The following PLCB4 variants were observed in gnomAD, a reference collection of about 807,000 sequenced individuals.
PLCB4 encodes phospholipase C beta 4.
A neutral mutation model predicts 178.8 loss-of-function variants in PLCB4; 77 were observed. The ratio of observed to expected loss-of-function variants is 0.43; its 90% CI spans 0.36 to 0.52. The LOEUF (loss-of-function observed/expected upper bound fraction) is 0.52, where lower values mean the gene tolerates loss of function less well. PLCB4 is among the 20% of genes least tolerant of loss of function. The pLI is 0.00. For synonymous variants in PLCB4, 496 were observed against 490.8 expected (o/e 1.01, Z -0.14); for missense variants, 1,024 against 1,453.4 (o/e 0.70, Z 4.80).
At chr20:9,086,393 G>A (rs568992049) in intron 1 of PLCB4, among the ~76,000 whole-genome samples, 10 of 152,164 alleles carry the variant, frequency 6.6e-5, no homozygotes, top group African/African-American at 2.4e-4. Flanking sequence ...GGTTGTGAGC[G>A]TGTATGATGT....
At chr20:9,111,019 T>C (rs2091556286) in intron 2 of PLCB4, among the ~76,000 whole-genome samples, 1 of 152,188 alleles carries the variant, frequency 6.6e-6, no homozygotes, top group African/African-American at 2.4e-5. Context: ...CAAGGTGAGC[T>C]GCTAAGAATG....
chr20:9,429,637 C>G (rs1054832834), intron 28 of PLCB4, among the ~76,000 whole-genome samples: 2 of 152,216 alleles, frequency 1.3e-5, no homozygotes, highest in East Asian at 3.8e-4. Context: ...GCTTTTCATT[C>G]TCTGATTACA....
chr20:9,250,032 T>G (rs975923083), intron 3 of PLCB4, among the ~76,000 whole-genome samples: 5 of 152,192 alleles, frequency 3.3e-5, no homozygotes, highest in Non-Finnish European at 7.3e-5. Context: ...GCACTACTCA[T>G]AAGAGAATAG....
chr20:9,411,989 A>G (rs547466666), intron 25 of PLCB4, among the ~76,000 whole-genome samples: 1 of 152,210 alleles, frequency 6.6e-6, no homozygotes, highest in African/African-American at 2.4e-5. Flanking sequence ...TTCAGCATGC[A>G]CTCTGCCTCC....
At chr20:9,440,312 CA>C (rs1384469476) in intron 30 of PLCB4, among the ~76,000 whole-genome samples, 1 of 152,208 alleles carries the variant, frequency 6.6e-6, no homozygotes. Context: ...TCATCTAACA[CA>C]AAGCCTATTT....
In PLCB4 at chr20:9,468,722, C is replaced by T. The variant is rs141502382; in HGVS notation, c.3350+50C>T. 1.0e-3 allele frequency: 1,099 copies of T among 1,054,544 alleles called. 5 individuals are homozygous for T. The highest frequency in any genetic ancestry group is 9.0e-3 in the South Asian group (701 of 77,754). 65.3% of individuals were successfully genotyped at this position (1,054,544 alleles called of 1,614,324 possible). A position where few individuals can be genotyped will look rare whatever the true frequency, so the allele number is the denominator to read the frequency against. ...GGAATATGGCATTGACTTGAGGACA[C>T]AGTCTCAACTTTCTTTATGTGTGTA... On this transcript the variant is annotated intron_variant, in intron 36 of 39. Transcript: ENST00000378473.
At chr20:9,231,584 C>T (rs1404448568) in intron 3 of PLCB4, among the ~76,000 whole-genome samples, 1 of 152,070 alleles carries the variant, frequency 6.6e-6, no homozygotes, top group East Asian at 1.9e-4. Context: ...TGGGATAGTG[C>T]ACCGAATTTC....
chr20:9,142,265 A>C (rs969880942), intron 2 of PLCB4, among the ~76,000 whole-genome samples: 2 of 152,108 alleles, frequency 1.3e-5, no homozygotes, highest in Admixed American at 6.6e-5. Flanking sequence ...GTGGATTTTC[A>C]TGTCTGGATT....
At chr20:9,089,344 A>T (rs1223077363) in intron 1 of PLCB4, among the ~76,000 whole-genome samples, 1 of 152,102 alleles carries the variant, frequency 6.6e-6, no homozygotes, top group Non-Finnish European at 1.5e-5. Context: ...TAACTTTGGT[A>T]CTTATAAAAT....
chr20:9,331,254 TA>T (rs2148022858), intron 4 of PLCB4, among the ~76,000 whole-genome samples: 1 of 152,298 alleles, frequency 6.6e-6, no homozygotes, highest in East Asian at 1.9e-4. Flanking sequence ...CTCTACGTCC[TA>T]ATGTATCTGT....
chr20:9,171,699 C>A (rs905891153), intron 2 of PLCB4, among the ~76,000 whole-genome samples: 1 of 152,080 alleles, frequency 6.6e-6, no homozygotes, highest in Non-Finnish European at 1.5e-5. Flanking sequence ...TACTGGGTTG[C>A]AACAGTATCT....
intron 30 of PLCB4, among the ~76,000 whole-genome samples, chr20:9,442,293 A>G (rs6056628): frequency 0.24 from 36,395 of 152,076 alleles, 5,215 homozygotes; most frequent in African/African-American, 0.39. Context: ...AGACCCACGC[A>G]TGGAACATTC....
At chr20:9,174,308 T>A (rs1318334947) in intron 2 of PLCB4, among the ~76,000 whole-genome samples, 1 of 151,928 alleles carries the variant, frequency 6.6e-6, no homozygotes, top group African/African-American at 2.4e-5. Context: ...AGCTAATTTT[T>A]TTTTTATTTT....
chr20:9,069,544 TATGCG>T (rs2089459162), intron 1 of PLCB4, among the ~76,000 whole-genome samples: 1 of 152,218 alleles, frequency 6.6e-6, no homozygotes, highest in African/African-American at 2.4e-5. Context: ...TGTAAATGTG[TATGCG>T]TGTGGATCTT....
Position 9,294,184 on chromosome 20 carries a change from T to C in PLCB4, c.-15-13616T>C, listed in dbSNP as rs1215838907. Among the ~76,000 whole-genome samples, 3 of 152,162 alleles carry C rather than the reference T, an allele frequency of 2.0e-5. No homozygotes were observed. In the East Asian group the frequency reaches 5.8e-4, roughly 29 times the overall value. ...AGGAGAAATATTAGCATTCATAGCT[T>C]GTAGTTAACAGGGAGCATAAAGGTT... On this transcript the variant is annotated intron_variant, in intron 3 of 39. Transcript: ENST00000378473.
chr20:9,386,963 G>T (rs1283122251), intron 14 of PLCB4, among the ~76,000 whole-genome samples: 1 of 150,610 alleles, frequency 6.6e-6, no homozygotes, highest in Non-Finnish European at 1.5e-5. Flanking sequence ...CATGATGTCA[G>T]CTCACTGGAA....
At chr20:9,384,450 A>C (rs752986652) in intron 14 of PLCB4, 39 bp downstream of exon 14, 6 of 1,357,326 alleles carry the variant, frequency 4.4e-6, no homozygotes, top group Non-Finnish European at 6.3e-6. Flanking sequence ...TTTGTGTGTG[A>C]TGCCCTTCAG....
chr20:9,163,791 A>C (rs921025110), intron 2 of PLCB4, among the ~76,000 whole-genome samples: 2 of 152,132 alleles, frequency 1.3e-5, no homozygotes, highest in East Asian at 3.8e-4. Flanking sequence ...ATTACATTCT[A>C]TATACCGTAA....
rs181269224 is a variant in PLCB4 at position 9,098,563 on chromosome 20, A to T, written c.-79+2221A>T. Among the ~76,000 whole-genome samples, 584 of 150,842 alleles carry T rather than the reference A, an allele frequency of 3.9e-3. 4 individuals carry two copies. The highest frequency in any genetic ancestry group is 0.013 in the African/African-American group (552 of 41,176). On this transcript the variant is annotated intron_variant, in intron 2 of 39. Transcript: ENST00000378473. ...AGCCCAGGAGGCTGTGGAGTATTGT[A>T]AAAGTCCTGGAGTATGTGGCAATTA...
Sources: allele counts gnomAD v4.1 joint callset (sites outside exome capture counted in the v4.1 genomes callset), GRCh38; gene constraint gnomAD v4.1.1; transcripts MANE v1.5; gene names NCBI Gene and HGNC (gene_info 2026-07-23, HGNC 2026-07-21).